The following FOCAD variants were observed in gnomAD, a reference collection of about 807,000 sequenced individuals.
FOCAD encodes the protein KIAA1797.
In FOCAD, 198 loss-of-function variants were observed where a neutral mutation model predicts 225.6. The ratio of observed to expected loss-of-function variants is 0.88; its 90% confidence interval spans 0.78 to 0.99. The LOEUF (loss-of-function observed/expected upper bound fraction) is 0.99, where lower values mean the gene tolerates loss of function less well. FOCAD is among the 50% of genes least tolerant of loss of function. The pLI, the probability that FOCAD is intolerant of heterozygous loss-of-function variation, is 0.00. For synonymous variants in FOCAD, 897 were observed against 755.0 expected, an observed-to-expected ratio of 1.19 and a Z score of -3.08; for missense variants, 2,713 against 2,123.6, an observed-to-expected ratio of 1.28 and a Z score of -5.46.
intron 11 of FOCAD, among the ~76,000 whole-genome samples, chr9:20,796,650 T>G (rs1462901643): frequency 6.6e-6 from 1 of 152,210 alleles, no homozygotes; most frequent in Non-Finnish European, 1.5e-5. Flanking sequence ...TTGCCCACTT[T>G]TTGATGGGGT....
At chr9:20,720,318 GGTGT>G (rs112284387) in intron 3 of FOCAD, 58 bp from the exon 4 acceptor site, 45 of 1,427,432 alleles carry the variant, frequency 3.2e-5, no homozygotes, top group South Asian at 3.1e-4. Flanking sequence ...AATGACCAAA[GGTGT>G]GTGTGTGTGT....
chr9:20,712,385 C>G (rs148154735), intron 1 of FOCAD, among the ~76,000 whole-genome samples: 1 of 152,148 alleles, frequency 6.6e-6, no homozygotes, highest in Non-Finnish European at 1.5e-5. Flanking sequence ...TCAAGCTGGG[C>G]ATGGTGGCTC....
intron 19 of FOCAD, among the ~76,000 whole-genome samples, chr9:20,879,936 A>G (rs1830530692): frequency 6.6e-6 from 1 of 152,172 alleles, no homozygotes; most frequent in South Asian, 2.1e-4. Context: ...CCAGAATAGG[A>G]TCCTTCTGAG....
At chr9:20,940,745 A>T (rs1836566945) in intron 28 of FOCAD, among the ~76,000 whole-genome samples, 1 of 152,236 alleles carries the variant, frequency 6.6e-6, no homozygotes, top group African/African-American at 2.4e-5. Flanking sequence ...CAGATAAAGA[A>T]TGTGAGTCTC....
chr9:20,908,067 T>C (rs377034672), intron 22 of FOCAD, among the ~76,000 whole-genome samples: 2 of 152,130 alleles, frequency 1.3e-5, no homozygotes, highest in African/African-American at 4.8e-5. Context: ...TTATAAGTTA[T>C]AGTTTGTGAA....
At chr9:20,908,475 T>G (rs1158799448) in intron 22 of FOCAD, among the ~76,000 whole-genome samples, 1 of 152,092 alleles carries the variant, frequency 6.6e-6, no homozygotes, top group Non-Finnish European at 1.5e-5. Context: ...GGACCAGGAA[T>G]CTCCATGTTT....
chr9:20,935,016 A>G (rs550239230), intron 28 of FOCAD, among the ~76,000 whole-genome samples: 1 of 152,354 alleles, frequency 6.6e-6, no homozygotes, highest in South Asian at 2.1e-4. Context: ...AGATGGGTAG[A>G]ATCAATATTG....
intron 15 of FOCAD, among the ~76,000 whole-genome samples, chr9:20,855,457 TA>T (rs926428295): frequency 2.6e-5 from 4 of 151,514 alleles, no homozygotes; most frequent in African/African-American, 7.2e-5. Flanking sequence ...TATTTAAAAT[TA>T]AAAAAATTTA....
intron 18 of FOCAD, among the ~76,000 whole-genome samples, chr9:20,870,723 CT>C (rs1829688973): frequency 6.6e-6 from 1 of 152,134 alleles, no homozygotes; most frequent in Non-Finnish European, 1.5e-5. Flanking sequence ...TTCTGCCCAT[CT>C]GTAGGCTAAT....
chr9:20,824,444 T>C (rs1033885311), intron 15 of FOCAD, among the ~76,000 whole-genome samples: 1 of 152,086 alleles, frequency 6.6e-6, no homozygotes, highest in African/African-American at 2.4e-5. Flanking sequence ...TTTAGCCTTA[T>C]TGCTTTTATG....
At chr9:20,710,665 C>G (rs1201418271) in intron 1 of FOCAD, among the ~76,000 whole-genome samples, 1 of 151,700 alleles carries the variant, frequency 6.6e-6, no homozygotes, top group African/African-American at 2.4e-5. Context: ...TATTATATCA[C>G]TCTATATTCC....
At chr9:20,933,704 G>C (rs1355195990) in intron 28 of FOCAD, among the ~76,000 whole-genome samples, 1 of 152,102 alleles carries the variant, frequency 6.6e-6, no homozygotes, top group Non-Finnish European at 1.5e-5. Context: ...TTTGTATAAT[G>C]ACTTCTTTTC....
upstream of FOCAD, among the ~76,000 whole-genome samples, chr9:20,658,024 G>A (rs1180086544): frequency 1.4e-5 from 2 of 144,356 alleles, no homozygotes; most frequent in Admixed American, 7.0e-5. Flanking sequence ...CAGGTCTGTT[G>A]GAATACCCTG....
At chr9:20,965,002 G>T (rs1385109548) in intron 35 of FOCAD, among the ~76,000 whole-genome samples, 2 of 152,060 alleles carry the variant, frequency 1.3e-5, no homozygotes, top group South Asian at 2.1e-4. Context: ...TGGGAGAAAG[G>T]CCTAGATCAG....
At chr9:20,824,044 G>A (rs1369268045) in intron 15 of FOCAD, among the ~76,000 whole-genome samples, 1 of 152,016 alleles carries the variant, frequency 6.6e-6, no homozygotes, top group African/African-American at 2.4e-5. Context: ...ATTTCAGCAG[G>A]CAGTGAACAT....
chr9:20,799,097 G>A (rs1224235418), intron 11 of FOCAD, among the ~76,000 whole-genome samples: 6 of 152,080 alleles, frequency 3.9e-5, no homozygotes, highest in African/African-American at 1.4e-4. Context: ...GCCTTCATTT[G>A]TTATGTACCC....
At chr9:20,841,609 C>A (rs1240706889) in intron 15 of FOCAD, among the ~76,000 whole-genome samples, 1 of 151,668 alleles carries the variant, frequency 6.6e-6, no homozygotes, top group Non-Finnish European at 1.5e-5. Context: ...TGTAATATCT[C>A]CTTATTCATC....
At chr9:20,753,802 TAAC>T (rs1828790977) in intron 5 of FOCAD, among the ~76,000 whole-genome samples, 1 of 152,158 alleles carries the variant, frequency 6.6e-6, no homozygotes, top group Non-Finnish European at 1.5e-5. Flanking sequence ...TAAATAATAA[TAAC>T]GATGATAATG....
chr9:20,847,391 G>T (rs986033342), intron 15 of FOCAD, among the ~76,000 whole-genome samples: 3 of 151,746 alleles, frequency 2.0e-5, no homozygotes, highest in Non-Finnish European at 4.4e-5. Context: ...GCACGTTGTA[G>T]TATGTTAAGT....
Sources: allele counts gnomAD v4.1 joint callset (sites outside exome capture counted in the v4.1 genomes callset), GRCh38; gene constraint gnomAD v4.1.1; transcripts MANE v1.5; gene names NCBI Gene and HGNC (gene_info 2026-07-23, HGNC 2026-07-21).